Variants in COMMD10 observed in about 807,000 individuals in gnomAD.
COMMD10 encodes the protein COMM domain-containing protein 10.
In COMMD10, 33 loss-of-function variants were observed where a neutral mutation model predicts 28.9. The ratio of observed to expected loss-of-function variants is 1.14; its 90% CI spans 0.87 to 1.53. The LOEUF is 1.53. Among genes scored for constraint, COMMD10 ranks in the 40% most tolerant of loss-of-function variants. COMMD10 has a pLI of 0.00. For missense variants in COMMD10, 310 were observed against 233.4 expected (o/e 1.33, Z -2.14); for synonymous variants, 110 against 81.7 (o/e 1.35, Z -1.87).
At chr5:116,291,791 A>C (rs1751371927) in intron 6 of COMMD10, among the ~76,000 whole-genome samples, 1 of 150,612 alleles carries the variant, frequency 6.6e-6, no homozygotes, top group Non-Finnish European at 1.5e-5. Flanking sequence ...GTTTTAATTA[A>C]AGCAATAGGA....
At chr5:116,259,998 A>C (rs1750397379) in intron 5 of COMMD10, among the ~76,000 whole-genome samples, 1 of 151,718 alleles carries the variant, frequency 6.6e-6, no homozygotes, top group Non-Finnish European at 1.5e-5. Context: ...TTGTTTACAG[A>C]GCTTCTTCAA....
chr5:116,130,821 C>T (rs1299968696), intron 4 of COMMD10, among the ~76,000 whole-genome samples: 1 of 151,876 alleles, frequency 6.6e-6, no homozygotes, highest in Non-Finnish European at 1.5e-5. Flanking sequence ...AGAGTTGTAT[C>T]CTTTTGTCAG....
At chr5:116,133,849 A>G (rs985053296) in intron 4 of COMMD10, among the ~76,000 whole-genome samples, 1 of 152,196 alleles carries the variant, frequency 6.6e-6, no homozygotes, top group Non-Finnish European at 1.5e-5. Flanking sequence ...ATATTTAAAG[A>G]TGACTTTTGC....
chr5:116,225,745 TCAAG>T (rs1228032612), intron 5 of COMMD10, among the ~76,000 whole-genome samples: 1 of 152,024 alleles, frequency 6.6e-6, no homozygotes, highest in East Asian at 1.9e-4. Flanking sequence ...TTTCTACCAC[TCAAG>T]CTGTAAATGA....
At chr5:116,178,086 T>A (rs1201806244) in intron 5 of COMMD10, among the ~76,000 whole-genome samples, 1 of 152,138 alleles carries the variant, frequency 6.6e-6, no homozygotes, top group Non-Finnish European at 1.5e-5. Context: ...AAATAAATAC[T>A]TCATTTTCCT....
At chr5:116,159,820 A>G (rs1752858407) in intron 5 of COMMD10, among the ~76,000 whole-genome samples, 1 of 152,242 alleles carries the variant, frequency 6.6e-6, no homozygotes, top group Non-Finnish European at 1.5e-5. Flanking sequence ...TAAAAGGAAG[A>G]GTATACACAA....
chr5:116,244,660 C>CAAAAAAAAAAAAAAAAAAAAAAATTAA (rs60360733), intron 5 of COMMD10, among the ~76,000 whole-genome samples: 1 of 79,488 alleles, frequency 1.3e-5, no homozygotes, highest in Non-Finnish European at 3.0e-5. Context: ...AAAAAAATTA[C>CAAAAAAAAAAAAAAAAAAAAAAATTAA]AAAAAAAAAA....
At chr5:116,279,461 C>T (rs1751010436) in intron 5 of COMMD10, among the ~76,000 whole-genome samples, 2 of 151,736 alleles carry the variant, frequency 1.3e-5, no homozygotes, top group South Asian at 4.1e-4. Flanking sequence ...TCAGGAGTTT[C>T]CGTTTGCCCA....
intron 5 of COMMD10, among the ~76,000 whole-genome samples, chr5:116,267,653 C>A (rs1244947813): frequency 6.6e-6 from 1 of 151,784 alleles, no homozygotes; most frequent in Non-Finnish European, 1.5e-5. Flanking sequence ...CAATCATAAG[C>A]CAAAAGAACA....
chr5:116,096,611 C>A (rs1417166145), intron 4 of COMMD10, among the ~76,000 whole-genome samples: 1 of 152,032 alleles, frequency 6.6e-6, no homozygotes, highest in African/African-American at 2.4e-5. Context: ...ACAAGGACTT[C>A]CAACGTGATG....
At chr5:116,207,599 C>A (rs1174983392) in intron 5 of COMMD10, among the ~76,000 whole-genome samples, 1 of 152,078 alleles carries the variant, frequency 6.6e-6, no homozygotes, top group Non-Finnish European at 1.5e-5. Context: ...GATCTGGGCT[C>A]ACTGCAGCCT....
At chr5:116,208,902 T>G (rs897492334) in intron 5 of COMMD10, among the ~76,000 whole-genome samples, 1 of 152,202 alleles carries the variant, frequency 6.6e-6, no homozygotes, top group African/African-American at 2.4e-5. Flanking sequence ...CAGGTACTGT[T>G]TATCCATTGT....
chr5:116,095,538 A>G (rs999292342), intron 4 of COMMD10, among the ~76,000 whole-genome samples: 1 of 152,134 alleles, frequency 6.6e-6, no homozygotes, highest in African/African-American at 2.4e-5. Flanking sequence ...GTCCTCTGTG[A>G]GATATATGAT....
At position 116,219,427 on chromosome 5, in the gene COMMD10, C is replaced by T. The variant is rs942780178; in HGVS notation, c.511-72090C>T. Among the ~76,000 whole-genome samples the T allele has an allele frequency of 5.3e-5, 8 of 152,082 alleles. No individual in the cohort carries two copies. In the East Asian group the frequency reaches 5.8e-4, roughly 11 times the overall value. On this transcript the variant is annotated intron_variant, in intron 5 of 6. Transcript: ENST00000274458. ...AGGAAAAAAGATTGGGAGACTATCCCGGGTTATCTAGGTAGGCCATAAGCA... is the reference window on the plus strand; with the variant it reads ...AGGAAAAAAGATTGGGAGACTATCCTGGGTTATCTAGGTAGGCCATAAGCA...
At chr5:116,186,838 G>A (rs1273450430) in intron 5 of COMMD10, among the ~76,000 whole-genome samples, 1 of 152,064 alleles carries the variant, frequency 6.6e-6, no homozygotes, top group African/African-American at 2.4e-5. Context: ...TTTAAGTGGA[G>A]GAAAAACTAT....
chr5:116,102,049 ATCTTCT>A (rs1216336170), intron 4 of COMMD10, among the ~76,000 whole-genome samples: 2 of 152,182 alleles, frequency 1.3e-5, no homozygotes, highest in Admixed American at 1.3e-4. Flanking sequence ...TCCTGGGCAA[ATCTTCT>A]TAGTTTAACT....
intron 5 of COMMD10, among the ~76,000 whole-genome samples, chr5:116,267,050 CCTCTCTCACCACTCCTA>C (rs1467468291): frequency 2.0e-5 from 3 of 151,806 alleles, no homozygotes; most frequent in African/African-American, 7.3e-5. Context: ...ACAAGGATGC[CCTCTCTCACCACTCCTA>C]TTCAACATAG....
At chr5:116,205,466 A>T (rs920684562) in intron 5 of COMMD10, among the ~76,000 whole-genome samples, 1 of 152,176 alleles carries the variant, frequency 6.6e-6, no homozygotes, top group Non-Finnish European at 1.5e-5. Flanking sequence ...AATCTGTTTT[A>T]TTAGGAAACT....
At chr5:116,110,766 C>T (rs1751016141) in intron 4 of COMMD10, among the ~76,000 whole-genome samples, 1 of 152,122 alleles carries the variant, frequency 6.6e-6, no homozygotes, top group South Asian at 2.1e-4. Context: ...GAAGGGGGAG[C>T]AAACCCATCA....
Sources: allele counts gnomAD v4.1 joint callset (sites outside exome capture counted in the v4.1 genomes callset), GRCh38; gene constraint gnomAD v4.1.1; transcripts MANE v1.5; gene names NCBI Gene and HGNC (gene_info 2026-07-23, HGNC 2026-07-21).